VPS13B: variants seen among roughly 807,000 people sequenced by gnomAD.
VPS13B encodes the protein intermembrane lipid transfer protein VPS13B.
A neutral mutation model predicts 426.4 loss-of-function variants in VPS13B; 285 were observed. That is an observed-to-expected ratio of 0.67 (90% CI 0.61 to 0.74). The LOEUF (loss-of-function observed/expected upper bound fraction) is 0.74, where lower values mean the gene tolerates loss of function less well. Ranked by LOEUF, VPS13B falls within the 30% of genes least tolerant of loss-of-function variation. The probability of loss-of-function intolerance (pLI) is 0.00; values close to 1 mark genes in which losing one functional copy is unlikely to be tolerated. For missense variants in VPS13B, 4,537 were observed against 4,782.6 expected, an observed-to-expected ratio of 0.95 and a Z score of 1.51; for synonymous variants, 1,676 against 1,676.4, an observed-to-expected ratio of 1.00 and a Z score of 0.01.
intron 19 of VPS13B, among the ~76,000 whole-genome samples, chr8:99,354,429 A>G (rs947744816): frequency 4.0e-5 from 6 of 151,446 alleles, no homozygotes; most frequent in Admixed American, 1.3e-4. Flanking sequence ...TTAATTTTCT[A>G]TAGATGTCTT....
intron 39 of VPS13B, among the ~76,000 whole-genome samples, chr8:99,728,128 A>G (rs1175917458): frequency 6.6e-6 from 1 of 152,196 alleles, no homozygotes; most frequent in East Asian, 1.9e-4. Context: ...CATTTTGTTT[A>G]TATGTCAGTC....
chr8:99,525,953 A>G (rs1397111432), intron 30 of VPS13B, among the ~76,000 whole-genome samples: 5 of 152,302 alleles, frequency 3.3e-5, no homozygotes, highest in Non-Finnish European at 5.9e-5. Flanking sequence ...GGAAAACGAC[A>G]TTATGGAAGA....
intron 19 of VPS13B, among the ~76,000 whole-genome samples, chr8:99,339,610 T>G (rs929149136): frequency 6.6e-6 from 1 of 150,476 alleles, no homozygotes; most frequent in Non-Finnish European, 1.5e-5. Context: ...CCACGTCAGT[T>G]TTTTTTTTTT....
At chr8:99,263,300 C>G (rs1818144211) in intron 17 of VPS13B, among the ~76,000 whole-genome samples, 1 of 152,158 alleles carries the variant, frequency 6.6e-6, no homozygotes. Flanking sequence ...AAATCATTCT[C>G]TGTGTTAGGC....
intron 6 of VPS13B, among the ~76,000 whole-genome samples, chr8:99,115,187 A>G (rs1346503105): frequency 6.6e-6 from 1 of 152,090 alleles, no homozygotes; most frequent in Non-Finnish European, 1.5e-5. Flanking sequence ...ACATACTTTC[A>G]TAGTTGTAAT....
chr8:99,234,530 AG>A lies in VPS13B; in HGVS notation c.2516-39664del, dbSNP rs775829863. 7.6e-5 allele frequency: 36 copies of A among 473,636 alleles called. No homozygotes were observed. The East Asian group carries it at 1.9e-3, about 25-fold the overall frequency. The allele number at this position is 473,636 out of a possible 1,614,324, so 29.3% of individuals were successfully genotyped here. On this transcript the variant is annotated intron_variant, in intron 17 of 61. Transcript: ENST00000357162. ...AGGGGCTTCCGCGGGGTTGGGGTTC[AG>A]GGGCCGCAGGGCTGGGGTTCGGGGG...
intron 15 of VPS13B, among the ~76,000 whole-genome samples, chr8:99,167,360 G>A (rs1382009086): frequency 2.6e-5 from 4 of 151,852 alleles, no homozygotes; most frequent in Non-Finnish European, 5.9e-5. Context: ...TTTAGTGAAG[G>A]GACAAATCTT....
At position 99,783,160 on chromosome 8, in the gene VPS13B, A is replaced by T. The variant is rs61203173; in HGVS notation, c.7780-1155A>T. ...TCATGGCCCAGGCTGGATTCCAAGTACATTCATCTGTAGTCTCCTTGGCTT... is the reference window on the plus strand; with the variant it reads ...TCATGGCCCAGGCTGGATTCCAAGTTCATTCATCTGTAGTCTCCTTGGCTT... On this transcript the variant is annotated intron_variant, in intron 42 of 61. Transcript: ENST00000357162. Among the ~76,000 whole-genome samples, 810 of 152,268 alleles carry T rather than the reference A, an allele frequency of 5.3e-3. 8 individuals carry two copies. Among genetic ancestry groups the T allele is most frequent in the African/African-American group, 0.019 (779 of 41,562 alleles).
intron 47 of VPS13B, 112 bp from the exon 48 acceptor site, chr8:99,819,300 C>A: frequency 7.8e-7 from 1 of 1,278,214 alleles, no homozygotes; most frequent in Non-Finnish European, 1.1e-6. Context: ...TGGACTCTAT[C>A]TACCAAAAAG....
chr8:99,170,872 T>C (rs575236438), intron 16 of VPS13B, among the ~76,000 whole-genome samples: 6 of 151,746 alleles, frequency 4.0e-5, no homozygotes, highest in Non-Finnish European at 8.9e-5. Context: ...ATGTCTTTTG[T>C]ATTCTCATTC....
chr8:99,826,072 T>G (rs1814666502), intron 51 of VPS13B, among the ~76,000 whole-genome samples: 2 of 152,316 alleles, frequency 1.3e-5, no homozygotes, highest in Middle Eastern at 3.4e-3. Context: ...TGGTTCTACA[T>G]GAAGTTTAAA....
chr8:99,238,866 A>G (rs1563620027), intron 17 of VPS13B, among the ~76,000 whole-genome samples: 1 of 152,106 alleles, frequency 6.6e-6, no homozygotes, highest in African/African-American at 2.4e-5. Context: ...TATATGTTAT[A>G]TGGTAAATCT....
intron 33 of VPS13B, among the ~76,000 whole-genome samples, chr8:99,614,626 G>A (rs539486530): frequency 2.5e-4 from 38 of 152,170 alleles, no homozygotes; most frequent in Admixed American, 6.5e-4. Context: ...GGAAGTCTAG[G>A]ATTATTTTAA....
At position 99,625,427 on chromosome 8, in the gene VPS13B, T is replaced by A. The variant is rs894656361; in HGVS notation, c.5221-16384T>A. 2.0e-5 allele frequency among the ~76,000 whole-genome samples: 3 copies of A among 152,048 alleles called. No individual in the cohort carries two copies. In the East Asian group the frequency reaches 5.8e-4, roughly 29 times the overall value. ...GGATAGAAAAGCAGTGGAGAAAATT[T>A]AAAAAAATTTCATCCTTCAAAAAGA... On this transcript the variant is annotated intron_variant, in intron 33 of 61. Coordinates refer to ENST00000357162, the MANE Select transcript of VPS13B (RefSeq NM_152564.5).
chr8:99,570,046 A>C (rs1412660299), intron 31 of VPS13B, among the ~76,000 whole-genome samples: 1 of 152,194 alleles, frequency 6.6e-6, no homozygotes, highest in Non-Finnish European at 1.5e-5. Flanking sequence ...TCAGCGAATT[A>C]TTGATTCTAC....
intron 31 of VPS13B, among the ~76,000 whole-genome samples, chr8:99,563,915 A>G (rs1006412209): frequency 4.6e-5 from 7 of 152,184 alleles, no homozygotes; most frequent in Non-Finnish European, 7.3e-5. Context: ...TATAAATAGG[A>G]CTTTAATATA....
At chr8:99,383,717 A>G (rs1262108423) in intron 19 of VPS13B, among the ~76,000 whole-genome samples, 4 of 152,078 alleles carry the variant, frequency 2.6e-5, no homozygotes, top group African/African-American at 9.7e-5. Context: ...ATTCTAAAAT[A>G]TATGTTTTCT....
chr8:99,206,200 T>G (rs544684206), intron 17 of VPS13B, among the ~76,000 whole-genome samples: 1 of 152,308 alleles, frequency 6.6e-6, no homozygotes, highest in South Asian at 2.1e-4. Context: ...ATTATTTTGT[T>G]GACAGTGTAG....
chr8:99,845,644 G>C (rs1011867795), intron 54 of VPS13B, among the ~76,000 whole-genome samples: 2 of 152,182 alleles, frequency 1.3e-5, no homozygotes, highest in Admixed American at 1.3e-4. Flanking sequence ...AAGTCGCATA[G>C]CCACGCCCAA....
Sources: gnomAD v4.1 joint callset for allele counts (sites outside exome capture counted in the v4.1 genomes callset) on GRCh38, gnomAD v4.1.1 for gene constraint, MANE v1.5 for transcripts, NCBI Gene and HGNC (gene_info 2026-07-23, HGNC 2026-07-21) for gene names.